VPS4A: variants seen among roughly 807,000 people sequenced by gnomAD.
VPS4A encodes vacuolar protein sorting 4 homolog A.
A neutral mutation model predicts 52.3 loss-of-function variants in VPS4A; 20 were observed. That is an observed-to-expected ratio of 0.38 (90% CI 0.27 to 0.56). VPS4A has a LOEUF of 0.56. VPS4A is among the 20% of genes least tolerant of loss of function. The probability of loss-of-function intolerance (pLI) is 0.72; values close to 1 mark genes in which losing one functional copy is unlikely to be tolerated. For synonymous variants in VPS4A, 293 were observed against 227.7 expected (o/e 1.29, Z -2.58); for missense variants, 419 against 575.9 (o/e 0.73, Z 2.79).
rs1965493281 is a variant in VPS4A at position 69,320,184 on chromosome 16, T to G, written c.664T>G (p.Ser222Ala). The G allele has an allele frequency of 6.2e-7, 1 of 1,613,862 alleles. No individual in the cohort carries two copies. The highest frequency in any genetic ancestry group is 8.5e-7 in the Non-Finnish European group (1 of 1,179,846). Residue 222 changes from serine to alanine, a missense_variant, in exon 7 of 11, where the codon TCC (serine) becomes GCC (alanine). Ser to Ala is a moderately conservative substitution (Grantham distance 99). Coordinates refer to ENST00000254950, the MANE Select transcript of VPS4A (RefSeq NM_013245.3). The surrounding 1 kb of genome is among the most constrained non-coding windows in gnomAD (Gnocchi z 4.2). ...TGAGCTGGCCAGGCAGCACAAGCCC[T>G]CCATCATCTTCATCGATGAGGTGGA... The part of the protein sequence containing the change: ...LFELARQHKP[S>A]IIFIDEVDSL...
chr16:69,321,461 T>C lies in VPS4A; in HGVS notation c.1071+191T>C. 1.6e-6 allele frequency: 1 copy of C among 642,366 alleles called. No homozygotes were observed. Among genetic ancestry groups the C allele is most frequent in the Non-Finnish European group, 2.7e-6 (1 of 375,788 alleles). 39.8% of individuals were successfully genotyped at this position (642,366 alleles called of 1,614,324 possible). A position where few individuals can be genotyped will look rare whatever the true frequency, so the allele number is the denominator to read the frequency against. ...CCCTCCCTGCAGCTCTTCTGGAGTGTGGCCATCTCAGGGTGTGTGAAAGCA... is the reference window on the plus strand; with the variant it reads ...CCCTCCCTGCAGCTCTTCTGGAGTGCGGCCATCTCAGGGTGTGTGAAAGCA... On this transcript the variant is annotated intron_variant, in intron 9 of 10. Transcript: ENST00000254950. This position sits in a 1 kb window ranked among gnomAD's most constrained non-coding sequence, Gnocchi z 4.5.
In VPS4A at chr16:69,321,392, C is replaced by T; in HGVS notation, c.1071+122C>T. On this transcript the variant is annotated intron_variant, in intron 9 of 10. Coordinates refer to ENST00000254950, the MANE Select transcript of VPS4A (RefSeq NM_013245.3). The surrounding 1 kb of genome is among the most constrained non-coding windows in gnomAD (Gnocchi z 4.5). ...CAGGTGACACAGTCTCTGAGGCCTCCTGGAGAGCCGAGGGCCAGTGCCATG... is the reference window on the plus strand; with the variant it reads ...CAGGTGACACAGTCTCTGAGGCCTCTTGGAGAGCCGAGGGCCAGTGCCATG... The T allele has an allele frequency of 8.9e-7, 1 of 1,119,128 alleles. No individual in the cohort carries two copies. The highest frequency in any genetic ancestry group is 1.3e-6 in the Non-Finnish European group (1 of 791,950). 69.3% of individuals were successfully genotyped at this position (1,119,128 alleles called of 1,614,324 possible).
chr16:69,325,359 TGCC>T lies in VPS4A; in HGVS notation c.*1053_*1055del, dbSNP rs1965576174. On this transcript the variant is annotated 3_prime_UTR_variant, in exon 11 of 11. Coordinates refer to ENST00000254950, the MANE Select transcript of VPS4A (RefSeq NM_013245.3). ...GCAGCTGTGTTTGTTTGGTTTGGTC[TGCC>T]GCTAACATTTAAAAGTCGAGAGTTG... 1 of 151,520 alleles carries T rather than the reference TGCC, an allele frequency of 6.6e-6. No individual in the cohort carries two copies. The highest frequency in any genetic ancestry group is 1.5e-5 in the Non-Finnish European group (1 of 67,710). The allele number at this position is 151,520 out of a possible 1,614,324, so 9.4% of individuals were successfully genotyped here.
At position 69,321,144 on chromosome 16, in the gene VPS4A, G is replaced by A. The variant is rs768485456; in HGVS notation, c.945G>A (p.Thr315=). The change falls in exon 9 of 11, where the codon ACG becomes ACA. Residue 315 remains threonine (T), a synonymous_variant. Transcript: ENST00000254950. This position sits in a 1 kb window ranked among gnomAD's most constrained non-coding sequence, Gnocchi z 4.5. The part of the protein sequence containing the change: ...LHLGSTPHNL[T]DANIHELARK... ...TCGGGAGCACTCCCCACAACCTCAC[G>A]GATGCAAACATCCACGAGCTGGCCC... 97 of 1,588,892 alleles carry A rather than the reference G, an allele frequency of 6.1e-5. No homozygotes were observed. Among genetic ancestry groups the A allele is most frequent in the Admixed American group, 1.6e-4 (9 of 57,066 alleles).
In VPS4A at chr16:69,324,214, A is replaced by G. The variant is rs768719182; in HGVS notation, c.1219A>G (p.Met407Val). 1.5e-5 allele frequency: 25 copies of G among 1,613,130 alleles called. No homozygotes were observed. The Admixed American group carries it at 2.0e-4, about 13-fold the overall frequency. ...CATACTGTTGCCTTCACAGTCGGACATGCTGCGGTCTCTGGCCACCACCCG... is the reference window on the plus strand; with the variant it reads ...CATACTGTTGCCTTCACAGTCGGACGTGCTGCGGTCTCTGGCCACCACCCG... ...LLEPVVCMSD[M>V]LRSLATTRPT... is the part of the protein sequence containing the mutation. The change falls in exon 11 of 11, where the codon ATG becomes GTG. Residue 407 changes from methionine to valine, a missense_variant. Transcript: ENST00000254950.
rs1965481852 is a variant in VPS4A, at chr16:69,319,354, A to G, written c.464-33A>G. The stretch of plus-strand genomic sequence containing the variant: ...GCTTTTCCTATTCCTTTCCCCAGTC[A>G]GGAGGCCTAACTTCTGTGGTTCTCT... On this transcript the variant is annotated intron_variant, in intron 5 of 10. Coordinates refer to ENST00000254950, the MANE Select transcript of VPS4A (RefSeq NM_013245.3). 4.3e-6 allele frequency: 7 copies of G among 1,611,396 alleles called. No homozygotes were observed. The Middle Eastern group carries it at 9.9e-4, about 228-fold the overall frequency.
chr16:69,322,454 T>C (rs1965524927), intron 9 of VPS4A, 106 bp from the exon 10 acceptor site: 1 of 1,290,302 alleles, frequency 7.8e-7, no homozygotes, highest in South Asian at 1.7e-5. Flanking sequence ...CCTCAGATGC[T>C]AGGGACCCAC....
At chr16:69,317,885 C>T (rs896830016) in intron 3 of VPS4A, among the ~76,000 whole-genome samples, 2 of 145,426 alleles carry the variant, frequency 1.4e-5, no homozygotes, top group East Asian at 2.1e-4. Flanking sequence ...TACTTGAACC[C>T]GGGAGGCGGA....
In VPS4A at chr16:69,324,435, T is replaced by G; in HGVS notation, c.*126T>G. ...AGTCAATACAGAGTTCCCTCTGCTG[T>G]CTGGCCGTCTGCCAGGGAGCCAGAA... On this transcript the variant is annotated 3_prime_UTR_variant, in exon 11 of 11. Coordinates refer to ENST00000254950, the MANE Select transcript of VPS4A (RefSeq NM_013245.3). 9.7e-7 allele frequency: 1 copy of G among 1,032,404 alleles called. No homozygotes were observed. Among genetic ancestry groups the G allele is most frequent in the Non-Finnish European group, 1.4e-6 (1 of 697,156 alleles). The allele number at this position is 1,032,404 out of a possible 1,614,324, so 64.0% of individuals were successfully genotyped here.
Position 69,324,328 on chromosome 16 carries a change from A to G in VPS4A, c.*19A>G. The G allele has an allele frequency of 6.2e-7, 1 of 1,611,008 alleles. No individual in the cohort carries two copies. The highest frequency in any genetic ancestry group is 8.5e-7 in the Non-Finnish European group (1 of 1,178,308). On this transcript the variant is annotated 3_prime_UTR_variant, in exon 11 of 11. Transcript: ENST00000254950. ...GAGTTAAAAGCTGCTTCACTTGGGCAATGGTGAAGGTGGGAGGTTGATTGG... is the reference window on the plus strand; with the variant it reads ...GAGTTAAAAGCTGCTTCACTTGGGCGATGGTGAAGGTGGGAGGTTGATTGG...
In VPS4A at chr16:69,320,471, G is replaced by A; in HGVS notation, c.769+182G>A. On this transcript the variant is annotated intron_variant, in intron 7 of 10. Coordinates refer to ENST00000254950, the MANE Select transcript of VPS4A (RefSeq NM_013245.3). The surrounding 1 kb of genome is among the most constrained non-coding windows in gnomAD (Gnocchi z 4.2). ...AGGTGCCTGAGGCCTCTGCCTCACG[G>A]GCCACTCCACCCCTCCCATGGCAGG... 1 of 905,898 alleles carries A rather than the reference G, an allele frequency of 1.1e-6. No homozygotes were observed. Among genetic ancestry groups the A allele is most frequent in the Non-Finnish European group, 1.6e-6 (1 of 607,744 alleles). 56.1% of individuals were successfully genotyped at this position (905,898 alleles called of 1,614,324 possible). A position where few individuals can be genotyped will look rare whatever the true frequency, so the allele number is the denominator to read the frequency against.
chr16:69,320,267 G>T lies in VPS4A; in HGVS notation c.747G>T (p.Thr249=), dbSNP rs544345054. Residue 249 remains threonine, a synonymous_variant, in exon 7 of 11, where the codon ACG becomes ACT. Coordinates refer to ENST00000254950, the MANE Select transcript of VPS4A (RefSeq NM_013245.3). The surrounding 1 kb of genome is among the most constrained non-coding windows in gnomAD (Gnocchi z 4.2). ...GTGAGGCCGCCCGGAGGATCAAAAC[G>T]GAGTTCTTGGTCCAGATGCAGGGTG... ...NESEAARRIK[T]EFLVQMQGVG... is the part of the protein sequence containing the mutation. The T allele has an allele frequency of 2.5e-6, 4 of 1,613,916 alleles. No individual in the cohort carries two copies. In the South Asian group the frequency reaches 4.4e-5, roughly 18 times the overall value.
intron 3 of VPS4A, among the ~76,000 whole-genome samples, chr16:69,317,581 C>G (rs910608368): frequency 3.9e-5 from 6 of 152,268 alleles, no homozygotes; most frequent in African/African-American, 1.2e-4. Context: ...ATCACGAGGT[C>G]AGGAGATTGA....
In VPS4A at chr16:69,320,720, C is replaced by G. The variant is rs1221187575; in HGVS notation, c.802C>G (p.Leu268Val). Residue 268 changes from leucine (L) to valine (V), a missense_variant, in exon 8 of 11, where the codon CTT becomes GTT. Transcript: ENST00000254950. The surrounding 1 kb of genome is among the most constrained non-coding windows in gnomAD (Gnocchi z 4.2). ...GAATAACAATGATGGGACTCTGGTT[C>G]TTGGAGCCACAAACATCCCATGGGT... ...VGNNNDGTLV[L>V]GATNIPWVLD... 1.2e-6 allele frequency: 2 copies of G among 1,608,592 alleles called. No individual in the cohort carries two copies. Among genetic ancestry groups the G allele is most frequent in the Non-Finnish European group, 1.7e-6 (2 of 1,177,670 alleles).
Position 69,321,448 on chromosome 16 carries a change from C to T in VPS4A, c.1071+178C>T, listed in dbSNP as rs1317741165. ...TGCACCCACTGTCCCCTCCCTGCAG[C>T]TCTTCTGGAGTGTGGCCATCTCAGG... On this transcript the variant is annotated intron_variant, in intron 9 of 10. Transcript: ENST00000254950. This position sits in a 1 kb window ranked among gnomAD's most constrained non-coding sequence, Gnocchi z 4.5. 1.3e-5 allele frequency: 9 copies of T among 675,186 alleles called. No homozygotes were observed. Among genetic ancestry groups the T allele is most frequent in the Non-Finnish European group, 2.0e-5 (8 of 403,140 alleles). 41.8% of individuals were successfully genotyped at this position (675,186 alleles called of 1,614,324 possible).
intron 3 of VPS4A, 53 bp downstream of exon 3, chr16:69,316,425 A>G (rs753372986): frequency 6.9e-6 from 11 of 1,598,678 alleles, no homozygotes; most frequent in Admixed American, 3.4e-5. Flanking sequence ...ACGGCTCCCT[A>G]TCATTCCTGG....
rs1965570301 is a variant in VPS4A, at chr16:69,325,029, T to G, written c.*720T>G. 1 of 152,350 alleles carries G rather than the reference T, an allele frequency of 6.6e-6. No individual in the cohort carries two copies. Among genetic ancestry groups the G allele is most frequent in the South Asian group, 2.1e-4 (1 of 4,832 alleles). The allele number at this position is 152,350 out of a possible 1,614,324, so 9.4% of individuals were successfully genotyped here. A position where few individuals can be genotyped will look rare whatever the true frequency, so the allele number is the denominator to read the frequency against. ...CTGGAAATGGTCTAATAAATCCTTTTCCCTTCTTGAGCTACCCAAGTGATC... is the reference window on the plus strand; with the variant it reads ...CTGGAAATGGTCTAATAAATCCTTTGCCCTTCTTGAGCTACCCAAGTGATC... On this transcript the variant is annotated 3_prime_UTR_variant, in exon 11 of 11. Transcript: ENST00000254950.
chr16:69,320,129 T>A lies in VPS4A; in HGVS notation c.621-12T>A. The A allele has an allele frequency of 6.2e-7, 1 of 1,610,238 alleles. No individual in the cohort carries two copies. Among genetic ancestry groups the A allele is most frequent in the Non-Finnish European group, 8.5e-7 (1 of 1,176,968 alleles). The stretch of plus-strand genomic sequence containing the variant: ...GAACGTCTTGTCCTCACCCCCTTTC[T>A]CACCTTCACAGGCTGGTCAAGAACC... On this transcript the variant is annotated splice_polypyrimidine_tract_variant and intron_variant, in intron 6 of 10. Coordinates refer to ENST00000254950, the MANE Select transcript of VPS4A (RefSeq NM_013245.3). The surrounding 1 kb of genome is among the most constrained non-coding windows in gnomAD (Gnocchi z 4.2).
At position 69,325,275 on chromosome 16, in the gene VPS4A, T is replaced by C. The variant is rs919386786; in HGVS notation, c.*966T>C. On this transcript the variant is annotated 3_prime_UTR_variant, in exon 11 of 11. Transcript: ENST00000254950. Reference sequence around the variant, plus strand: ...TGTGGGATCCAGACAGTTCTTGCCGTTGTTCGGCCTACAGATCAGAGACTG... The same window carrying C: ...TGTGGGATCCAGACAGTTCTTGCCGCTGTTCGGCCTACAGATCAGAGACTG... 8 of 152,238 alleles carry C rather than the reference T, an allele frequency of 5.3e-5. No homozygotes were observed. The highest frequency in any genetic ancestry group is 1.9e-4 in the African/African-American group (8 of 41,444). The allele number at this position is 152,238 out of a possible 1,614,324, so 9.4% of individuals were successfully genotyped here. A position where few individuals can be genotyped will look rare whatever the true frequency, so the allele number is the denominator to read the frequency against.
Sources: gnomAD v4.1 joint callset for allele counts (sites outside exome capture counted in the v4.1 genomes callset) on GRCh38, gnomAD v4.1.1 for gene constraint, Gnocchi (gnomAD v3.1) non-coding constraint, MANE v1.5 for transcripts, NCBI Gene and HGNC (gene_info 2026-07-23, HGNC 2026-07-21) for gene names.